The following OR8H2 variants were observed in gnomAD, a reference collection of about 807,000 sequenced individuals.
OR8H2 encodes the protein olfactory receptor 8H2.
For synonymous variants in OR8H2, 157 were observed against 139.2 expected (o/e 1.13, Z -0.90); for missense variants, 374 against 371.1 (o/e 1.01, Z -0.06).
Position 56,105,893 on chromosome 11 carries a change from T to A in OR8H2, c.851T>A (p.Val284Glu), listed in dbSNP as rs139674390. ...ASVFYTIVIP[V>E]LNPLIYSLRN... ...GTTTTTTATACTATTGTGATTCCCG[T>A]GCTGAATCCACTCATTTATAGTCTT... Residue 284 changes from valine (V) to glutamate (E), a missense_variant, in exon 2 of 2, where the codon GTG (valine) becomes GAG (glutamate). Coordinates refer to ENST00000313503, the MANE Select transcript of OR8H2 (RefSeq NM_001386064.1). 1 of 1,610,360 alleles carries A rather than the reference T, an allele frequency of 6.2e-7. No individual in the cohort carries two copies. The highest frequency in any genetic ancestry group is 1.3e-5 in the African/African-American group (1 of 74,778).
In OR8H2 at chr11:56,107,356, C is replaced by G. The variant is rs1854069256; in HGVS notation, c.*1375C>G. ...TAAAAATAACTCCTTGACTTAAATGCTTTATTCATTGATTTTAAATTTCTT... is the reference window on the plus strand; with the variant it reads ...TAAAAATAACTCCTTGACTTAAATGGTTTATTCATTGATTTTAAATTTCTT... On this transcript the variant is annotated 3_prime_UTR_variant, in exon 2 of 2. Coordinates refer to ENST00000313503, the MANE Select transcript of OR8H2 (RefSeq NM_001386064.1). 6.6e-6 allele frequency: 1 copy of G among 151,984 alleles called. No individual in the cohort carries two copies. Among genetic ancestry groups the G allele is most frequent in the African/African-American group, 2.4e-5 (1 of 41,540 alleles). 9.4% of individuals were successfully genotyped at this position (151,984 alleles called of 1,614,324 possible). A position where few individuals can be genotyped will look rare whatever the true frequency, so the allele number is the denominator to read the frequency against.
Position 56,106,415 on chromosome 11 carries a change from T to C in OR8H2, c.*434T>C, listed in dbSNP as rs1018773903. On this transcript the variant is annotated 3_prime_UTR_variant, in exon 2 of 2. Coordinates refer to ENST00000313503, the MANE Select transcript of OR8H2 (RefSeq NM_001386064.1). ...AGCAGAGTGGGTAGGAGTACCTATT[T>C]TGGAATAAAACTTCCCAAGAATTAG... 1 of 152,964 alleles carries C rather than the reference T, an allele frequency of 6.5e-6. No homozygotes were observed. Among genetic ancestry groups the C allele is most frequent in the Non-Finnish European group, 1.5e-5 (1 of 68,626 alleles). The allele number at this position is 152,964 out of a possible 1,614,324, so 9.5% of individuals were successfully genotyped here.
At position 56,105,578 on chromosome 11, in the gene OR8H2, G is replaced by A. The variant is rs201256451; in HGVS notation, c.536G>A (p.Cys179Tyr). 538 of 1,614,086 alleles carry A rather than the reference G, an allele frequency of 3.3e-4. 2 individuals are homozygous for A. The highest frequency in any genetic ancestry group is 2.3e-4 in the Non-Finnish European group (276 of 1,180,016). ...YDSNVIHHFF[C>Y]DTSPILALSC... ...TCAAACGTAATTCATCACTTTTTCT[G>A]TGACACTTCCCCAATTTTAGCTCTG... The change falls in exon 2 of 2, where the codon TGT becomes TAT. Residue 179 changes from cysteine to tyrosine, a missense_variant. Physicochemically the swap from Cys to Tyr is radical, Grantham distance 194. Transcript: ENST00000313503.
In OR8H2 at chr11:56,106,166, G is replaced by T. The variant is rs1854053363; in HGVS notation, c.*185G>T. On this transcript the variant is annotated 3_prime_UTR_variant, in exon 2 of 2. Coordinates refer to ENST00000313503, the MANE Select transcript of OR8H2 (RefSeq NM_001386064.1). ...GGCATATGTTTTTAGAAATCCAAAT[G>T]GTAATTAGAAATCATAATATGTGTG... is the stretch of plus-strand genomic sequence containing the variant. 15 of 466,216 alleles carry T rather than the reference G, an allele frequency of 3.2e-5. No individual in the cohort carries two copies. In the South Asian group the frequency reaches 6.0e-4, roughly 19 times the overall value. 28.9% of individuals were successfully genotyped at this position (466,216 alleles called of 1,614,324 possible).
rs1429715751 is a variant in OR8H2, at chr11:56,105,238, C to T, written c.196C>T (p.His66Tyr). 5 of 1,614,076 alleles carry T rather than the reference C, an allele frequency of 3.1e-6. No homozygotes were observed. The highest frequency in any genetic ancestry group is 1.7e-5 in the Admixed American group (1 of 59,990). Reference sequence around the variant, plus strand: ...CACTCCCATGTATTTTTTCCTTACTCACCTGTCATTTATTGACCTCAGTTA... The same window carrying T: ...CACTCCCATGTATTTTTTCCTTACTTACCTGTCATTTATTGACCTCAGTTA... Reference protein sequence around the residue: ...LHTPMYFFLTHLSFIDLSYST... With the variant: ...LHTPMYFFLTYLSFIDLSYST... Residue 66 changes from histidine (H) to tyrosine (Y), a missense_variant, in exon 2 of 2, where the codon CAC (histidine) becomes TAC (tyrosine). Transcript: ENST00000313503.
At position 56,105,053 on chromosome 11, in the gene OR8H2, G is replaced by C; in HGVS notation, c.11G>C (p.Arg4Thr). The C allele has an allele frequency of 3.1e-6, 5 of 1,611,198 alleles. No individual in the cohort carries two copies. Among genetic ancestry groups the C allele is most frequent in the Non-Finnish European group, 4.2e-6 (5 of 1,178,276 alleles). Residue 4 changes from arginine (R) to threonine (T), a missense_variant, in exon 2 of 2, where the codon AGA (arginine) becomes ACA (threonine). Transcript: ENST00000313503. ...TTAGAGCAGGTGAACATGATGGGTA[G>C]AAGGAATAACACAAATGTGGCTGAC... MMG[R>T]RNNTNVADFI...
intron 1 of OR8H2, among the ~76,000 whole-genome samples, chr11:56,104,414 A>C (rs1171388622): frequency 6.6e-6 from 1 of 152,104 alleles, no homozygotes; most frequent in African/African-American, 2.4e-5. Context: ...TCTTTTCTCA[A>C]GTTTTCTGAA....
At position 56,105,312 on chromosome 11, in the gene OR8H2, C is replaced by G. The variant is rs757967991; in HGVS notation, c.270C>G (p.Asn90Lys). The change falls in exon 2 of 2, where the codon AAC becomes AAG. Residue 90 changes from asparagine (N) to lysine (K), a missense_variant. Physicochemically the swap from Asn to Lys is moderately conservative, Grantham distance 94. Coordinates refer to ENST00000313503, the MANE Select transcript of OR8H2 (RefSeq NM_001386064.1). ...PKTLANLLTS[N>K]YISFTGCFAQ... ...CCTTAGCGAACTTACTGACTTCCAA[C>G]TATATTTCCTTTACGGGCTGCTTTG... The G allele has an allele frequency of 6.2e-7, 1 of 1,614,202 alleles. No individual in the cohort carries two copies. The highest frequency in any genetic ancestry group is 8.5e-7 in the Non-Finnish European group (1 of 1,180,044).
At position 56,105,729 on chromosome 11, in the gene OR8H2, T is replaced by A. The variant is rs911588263; in HGVS notation, c.687T>A (p.Asn229Lys). Residue 229 changes from asparagine to lysine, a missense_variant, in exon 2 of 2, where the codon AAT (asparagine) becomes AAA (lysine). Transcript: ENST00000313503. ...TTCTCTTTACCATCCTGAAAATTAA[T>A]TCCACTTCAGGAAAGCAGAAAGCTT... ...VFILFTILKI[N>K]STSGKQKAFS... 6 of 1,613,972 alleles carry A rather than the reference T, an allele frequency of 3.7e-6. No individual in the cohort carries two copies. In the African/African-American group the frequency reaches 8.0e-5, roughly 22 times the overall value.
rs1400561916 is a variant in OR8H2 at position 56,106,868 on chromosome 11, CTT to C, written c.*888_*889del. On this transcript the variant is annotated 3_prime_UTR_variant, in exon 2 of 2. Coordinates refer to ENST00000313503, the MANE Select transcript of OR8H2 (RefSeq NM_001386064.1). ...CTACAAATATTGAGTTTTGGCTGCT[CTT>C]GATGTGGGGGTAGCCATTATTCTTT... 2.6e-5 allele frequency: 4 copies of C among 151,862 alleles called. No homozygotes were observed. Among genetic ancestry groups the C allele is most frequent in the Admixed American group, 1.3e-4 (2 of 15,248 alleles). The allele number at this position is 151,862 out of a possible 1,614,324, so 9.4% of individuals were successfully genotyped here.
Position 56,105,778 on chromosome 11 carries a change from T to C in OR8H2, c.736T>C (p.Leu246=). Residue 246 remains leucine, a synonymous_variant, in exon 2 of 2, where the codon TTG becomes CTG. Coordinates refer to ENST00000313503, the MANE Select transcript of OR8H2 (RefSeq NM_001386064.1). The stretch of plus-strand genomic sequence containing the variant: ...TTTCTCTACTTGCGTCTCTCATCTC[T>C]TGGGAGTCACCATCTTTTATAGCAC... ...KAFSTCVSHL[L]GVTIFYSTLI... The C allele has an allele frequency of 6.2e-7, 1 of 1,613,834 alleles. No homozygotes were observed. Among genetic ancestry groups the C allele is most frequent in the East Asian group, 2.2e-5 (1 of 44,858 alleles).
Position 56,107,225 on chromosome 11 carries a change from G to A in OR8H2, c.*1244G>A, listed in dbSNP as rs1662844360. On this transcript the variant is annotated 3_prime_UTR_variant, in exon 2 of 2. Coordinates refer to ENST00000313503, the MANE Select transcript of OR8H2 (RefSeq NM_001386064.1). ...TTTGCGTGCAAAACTTCAAAAACTGGATTTCTGTAATGTGTCAAATGTGTC... is the reference window on the plus strand; with the variant it reads ...TTTGCGTGCAAAACTTCAAAAACTGAATTTCTGTAATGTGTCAAATGTGTC... 6.6e-6 allele frequency: 1 copy of A among 151,866 alleles called. No individual in the cohort carries two copies. Among genetic ancestry groups the A allele is most frequent in the Non-Finnish European group, 1.5e-5 (1 of 67,790 alleles). 9.4% of individuals were successfully genotyped at this position (151,866 alleles called of 1,614,324 possible). A position where few individuals can be genotyped will look rare whatever the true frequency, so the allele number is the denominator to read the frequency against.
rs1445316987 is a variant in OR8H2 at position 56,106,142 on chromosome 11, G to A, written c.*161G>A. 10 of 519,238 alleles carry A rather than the reference G, an allele frequency of 1.9e-5. No homozygotes were observed. The highest frequency in any genetic ancestry group is 3.3e-5 in the Non-Finnish European group (10 of 301,482). The allele number at this position is 519,238 out of a possible 1,614,324, so 32.2% of individuals were successfully genotyped here. ...TAAACATGATTTTAAACATTTCAAGGCATATGTTTTTAGAAATCCAAATGG... is the reference window on the plus strand; with the variant it reads ...TAAACATGATTTTAAACATTTCAAGACATATGTTTTTAGAAATCCAAATGG... On this transcript the variant is annotated 3_prime_UTR_variant, in exon 2 of 2. Transcript: ENST00000313503.
At position 56,107,096 on chromosome 11, in the gene OR8H2, A is replaced by T. The variant is rs1253210107; in HGVS notation, c.*1115A>T. 6.6e-6 allele frequency: 1 copy of T among 151,944 alleles called. No individual in the cohort carries two copies. Among genetic ancestry groups the T allele is most frequent in the African/African-American group, 2.4e-5 (1 of 41,442 alleles). 9.4% of individuals were successfully genotyped at this position (151,944 alleles called of 1,614,324 possible). A position where few individuals can be genotyped will look rare whatever the true frequency, so the allele number is the denominator to read the frequency against. On this transcript the variant is annotated 3_prime_UTR_variant, in exon 2 of 2. Coordinates refer to ENST00000313503, the MANE Select transcript of OR8H2 (RefSeq NM_001386064.1). ...ATGTTGTCATCGACAACTCTAATAT[A>T]AATTTTTTCTTGGTACATGGACAAA... is the stretch of plus-strand genomic sequence containing the variant.
chr11:56,105,758 C>A lies in OR8H2; in HGVS notation c.716C>A (p.Ser239Tyr), dbSNP rs765483760. The change falls in exon 2 of 2, where the codon TCT becomes TAT. Residue 239 changes from serine to tyrosine, a missense_variant. By Grantham distance (144) the Ser-to-Tyr change is moderately radical. Transcript: ENST00000313503. Reference sequence around the variant, plus strand: ...ACTTCAGGAAAGCAGAAAGCTTTCTCTACTTGCGTCTCTCATCTCTTGGGA... The same window carrying A: ...ACTTCAGGAAAGCAGAAAGCTTTCTATACTTGCGTCTCTCATCTCTTGGGA... Reference protein sequence around the residue: ...NSTSGKQKAFSTCVSHLLGVT... With the variant: ...NSTSGKQKAFYTCVSHLLGVT... The A allele has an allele frequency of 1.2e-6, 2 of 1,613,686 alleles. No individual in the cohort carries two copies. Among genetic ancestry groups the A allele is most frequent in the East Asian group, 4.5e-5 (2 of 44,868 alleles).
rs751654356 is a variant in OR8H2 at position 56,105,501 on chromosome 11, T to G, written c.459T>G (p.Phe153Leu). The change falls in exon 2 of 2, where the codon TTT becomes TTG. Residue 153 changes from phenylalanine (F) to leucine (L), a missense_variant. Transcript: ENST00000313503. ...TCACTGGGCCTTATGTGATTGGCTT[T>G]ATAGACTCCTTTGTCAACGTGGTTT... ...ALITGPYVIG[F>L]IDSFVNVVSM... 1.2e-6 allele frequency: 2 copies of G among 1,614,210 alleles called. No homozygotes were observed. The highest frequency in any genetic ancestry group is 4.5e-5 in the East Asian group (2 of 44,868).
chr11:56,105,880 A>G lies in OR8H2; in HGVS notation c.838A>G (p.Ile280Val), dbSNP rs1854049353. 4 of 1,611,352 alleles carry G rather than the reference A, an allele frequency of 2.5e-6. No homozygotes were observed. The highest frequency in any genetic ancestry group is 1.1e-5 in the South Asian group (1 of 90,948). ...RDQVASVFYT[I>V]VIPVLNPLIY... The stretch of plus-strand genomic sequence containing the variant: ...TCAAGTGGCTTCTGTTTTTTATACT[A>G]TTGTGATTCCCGTGCTGAATCCACT... The change falls in exon 2 of 2, where the codon ATT becomes GTT. Residue 280 changes from isoleucine to valine, a missense_variant. Physicochemically the swap from Ile to Val is conservative, Grantham distance 29. Coordinates refer to ENST00000313503, the MANE Select transcript of OR8H2 (RefSeq NM_001386064.1).
At position 56,105,693 on chromosome 11, in the gene OR8H2, C is replaced by G; in HGVS notation, c.651C>G (p.Ser217=). 6.2e-7 allele frequency: 1 copy of G among 1,614,094 alleles called. No individual in the cohort carries two copies. The highest frequency in any genetic ancestry group is 8.5e-7 in the Non-Finnish European group (1 of 1,179,938). Residue 217 remains serine (S), a synonymous_variant, in exon 2 of 2, where the codon TCC becomes TCG. Coordinates refer to ENST00000313503, the MANE Select transcript of OR8H2 (RefSeq NM_001386064.1). ...TGTCCCTTTTCACAATATCTGCATC[C>G]TATGTGTTCATTCTCTTTACCATCC... ...LMVSLFTISA[S]YVFILFTILK...
chr11:56,105,653 G>T lies in OR8H2; in HGVS notation c.611G>T (p.Gly204Val), dbSNP rs186538081. Residue 204 changes from glycine to valine, a missense_variant, in exon 2 of 2, where the codon GGT becomes GTT. Transcript: ENST00000313503. Reference protein sequence around the residue: ...NTEILIFIIVGSTLMVSLFTI... With the variant: ...NTEILIFIIVVSTLMVSLFTI... ...GAAATCCTGATATTCATTATTGTTG[G>T]TTCCACCCTGATGGTGTCCCTTTTC... 3 of 1,613,992 alleles carry T rather than the reference G, an allele frequency of 1.9e-6. No homozygotes were observed. In the Admixed American group the frequency reaches 5.0e-5, roughly 27 times the overall value.
Sources: allele counts gnomAD v4.1 joint callset (sites outside exome capture counted in the v4.1 genomes callset), GRCh38; gene constraint gnomAD v4.1.1; transcripts MANE v1.5; gene names NCBI Gene and HGNC (gene_info 2026-07-23, HGNC 2026-07-21).